The following LMO7 variants were observed in gnomAD, a reference collection of about 807,000 sequenced individuals.
The protein encoded by LMO7 is LIM domain only protein 7.
A neutral mutation model predicts 206.5 loss-of-function variants in LMO7; 120 were observed. That is an observed-to-expected ratio of 0.58 (90% CI 0.50 to 0.68). LMO7 has a LOEUF of 0.68. LMO7 is among the 30% of genes least tolerant of loss of function. The probability of loss-of-function intolerance (pLI) is 0.00; values close to 1 mark genes in which losing one functional copy is unlikely to be tolerated. For synonymous variants in LMO7, 706 were observed against 681.5 expected (o/e 1.04, Z -0.56); for missense variants, 1,959 against 1,957.9 (o/e 1.00, Z -0.01).
At chr13:75,855,135 C>A in intron 28 of LMO7, 125 bp from the exon 29 acceptor site, 1 of 545,510 alleles carries the variant, frequency 1.8e-6, no homozygotes, top group Non-Finnish European at 3.3e-6. Context: ...AGTTATTCTC[C>A]CACAGATATA....
At chr13:75,855,570 A>T (rs2060863648) in intron 29 of LMO7, among the ~76,000 whole-genome samples, 2 of 152,168 alleles carry the variant, frequency 1.3e-5, no homozygotes, top group Non-Finnish European at 2.9e-5. Context: ...ATCTGGAAAA[A>T]TTTTGCATTT....
At chr13:75,793,720 C>T (rs2053615024) in intron 4 of LMO7, among the ~76,000 whole-genome samples, 1 of 152,190 alleles carries the variant, frequency 6.6e-6, no homozygotes, top group South Asian at 2.1e-4. Context: ...AAATGTACAA[C>T]TTAAATACTT....
intron 2 of LMO7, among the ~76,000 whole-genome samples, chr13:75,626,595 A>ATATATATATATATATATATATATTTTTTT: frequency 9.8e-5 from 7 of 71,182 alleles, no homozygotes; most frequent in Non-Finnish European, 2.2e-4. Flanking sequence ...ATATATATAA[A>ATATATATATATATATATATATATTTTTTT]TTTTTTTGAG....
intron 1 of LMO7, among the ~76,000 whole-genome samples, chr13:75,704,102 T>G (rs889986089): frequency 6.6e-6 from 1 of 152,174 alleles, no homozygotes; most frequent in Admixed American, 6.5e-5. Flanking sequence ...AAGAAGGGTG[T>G]TTTTAATTGA....
chr13:75,654,609 T>C (rs2037874459), intron 1 of LMO7, among the ~76,000 whole-genome samples: 1 of 152,112 alleles, frequency 6.6e-6, no homozygotes, highest in African/African-American at 2.4e-5. Flanking sequence ...CAGCATAGAA[T>C]ACATTTTCCT....
chr13:75,730,451 A>G (rs1004799598), intron 3 of LMO7, among the ~76,000 whole-genome samples: 18 of 152,014 alleles, frequency 1.2e-4, no homozygotes. Context: ...GGTAGTTTGT[A>G]TTTCTGTGGG....
At chr13:75,797,195 C>T (rs535983543) in intron 6 of LMO7, among the ~76,000 whole-genome samples, 13 of 152,208 alleles carry the variant, frequency 8.5e-5, no homozygotes, top group Non-Finnish European at 1.8e-4. Context: ...AATGCCCACA[C>T]TTTCATATCC....
At chr13:75,755,453 T>C (rs1374976830) in intron 3 of LMO7, among the ~76,000 whole-genome samples, 1 of 152,184 alleles carries the variant, frequency 6.6e-6, no homozygotes, top group Non-Finnish European at 1.5e-5. Flanking sequence ...TTTTTCTCTC[T>C]TGACTCCTCT....
intron 15 of LMO7, among the ~76,000 whole-genome samples, chr13:75,832,503 T>C (rs1174939609): frequency 6.6e-6 from 1 of 152,170 alleles, no homozygotes; most frequent in African/African-American, 2.4e-5. Context: ...AATCTTCATG[T>C]GGCATTTGGG....
intron 4 of LMO7, among the ~76,000 whole-genome samples, chr13:75,779,916 T>C (rs554657828): frequency 6.6e-6 from 1 of 152,106 alleles, no homozygotes; most frequent in African/African-American, 2.4e-5. Context: ...AAGAGATAAA[T>C]TTTAAAGCTG....
intron 7 of LMO7, among the ~76,000 whole-genome samples, chr13:75,802,935 G>GA: frequency 6.6e-6 from 1 of 152,204 alleles, no homozygotes; most frequent in South Asian, 2.1e-4. Flanking sequence ...TACTTTGGGG[G>GA]AAAAAATTCT....
rs575943968 is a variant in LMO7 at position 75,699,269 on chromosome 13, T to C, written c.70-13913T>C. Among the ~76,000 whole-genome samples the C allele has an allele frequency of 2.0e-5, 3 of 152,320 alleles. No individual in the cohort carries two copies. The South Asian group carries it at 6.2e-4, about 32-fold the overall frequency. ...TCAGAACATATTTCTGTTCCTGTCTTCCACTCACAGATTTAATGTCTTTTC... is the reference window on the plus strand; with the variant it reads ...TCAGAACATATTTCTGTTCCTGTCTCCCACTCACAGATTTAATGTCTTTTC... On this transcript the variant is annotated intron_variant, in intron 1 of 30. Transcript: ENST00000377534.
exon 1 of LMO7, chr13:75,621,503 T>G: frequency 2.9e-6 from 1 of 342,322 alleles, no homozygotes. Flanking sequence ...TTGATAACTA[T>G]GTTTATAGAA....
Position 75,800,882 on chromosome 13 carries a change from G to A in LMO7, c.661G>A (p.Gly221Ser), listed in dbSNP as rs751069670. ...TATCACGTTGAGAGGGGGGCGTGAAGGTGTGTTGTGTTTTGGCTGTCAGTT... is the reference window on the plus strand; with the variant it reads ...TATCACGTTGAGAGGGGGGCGTGAAAGTGTGTTGTGTTTTGGCTGTCAGTT... ...SDITLRGGRE[G>S]FESDTDSEFT... The change falls in exon 7 of 31, where the codon GGT (glycine) becomes AGT (serine). Residue 221 changes from glycine to serine, a missense_variant and splice_region_variant. Transcript: ENST00000377534. 1.2e-6 allele frequency: 2 copies of A among 1,613,530 alleles called. No homozygotes were observed. Among genetic ancestry groups the A allele is most frequent in the Admixed American group, 3.3e-5 (2 of 60,002 alleles).
intron 3 of LMO7, among the ~76,000 whole-genome samples, chr13:75,748,671 G>C (rs555709443): frequency 1.3e-5 from 2 of 152,298 alleles, no homozygotes; most frequent in South Asian, 2.1e-4. Context: ...TATGAGGCAA[G>C]AGAATTGTCT....
chr13:75,688,134 G>A (rs945594377), intron 1 of LMO7, among the ~76,000 whole-genome samples: 2 of 152,150 alleles, frequency 1.3e-5, no homozygotes, highest in African/African-American at 2.4e-5. Flanking sequence ...AGTCCATTAA[G>A]CCTGTTTTTC....
chr13:75,702,652 T>C (rs2042357115), intron 1 of LMO7, among the ~76,000 whole-genome samples: 3 of 152,226 alleles, frequency 2.0e-5, no homozygotes. Context: ...TGTAATTCAG[T>C]GGGTTAACCA....
intron 1 of LMO7, among the ~76,000 whole-genome samples, chr13:75,680,145 GGT>G (rs1384081699): frequency 2.0e-5 from 3 of 152,148 alleles, no homozygotes; most frequent in African/African-American, 7.2e-5. Flanking sequence ...GAGAACATGC[GGT>G]GTTCAGTTTT....
intron 2 of LMO7, among the ~76,000 whole-genome samples, chr13:75,713,676 C>T (rs1033086927): frequency 8.6e-5 from 13 of 151,992 alleles, no homozygotes; most frequent in Admixed American, 3.3e-4. Flanking sequence ...GTAGATTTTT[C>T]CTTTAAGCTT....
Sources: gnomAD v4.1 joint callset for allele counts (sites outside exome capture counted in the v4.1 genomes callset) on GRCh38, gnomAD v4.1.1 for gene constraint, MANE v1.5 for transcripts, NCBI Gene and HGNC (gene_info 2026-07-23, HGNC 2026-07-21) for gene names.